Variants in PRR5L observed in about 807,000 individuals in gnomAD.
The protein encoded by PRR5L is proline-rich protein 5-like.
In PRR5L, 21 loss-of-function variants were observed where a neutral mutation model predicts 36.4. The observed-to-expected ratio is 0.58, with a 90% CI of 0.41 to 0.83. The LOEUF is 0.83. PRR5L is among the 40% of genes least tolerant of loss of function. The probability of loss-of-function intolerance (pLI) is 0.00; values close to 1 mark genes in which losing one functional copy is unlikely to be tolerated. For missense variants in PRR5L, 381 were observed against 473.3 expected (o/e 0.80, Z 1.81); for synonymous variants, 188 against 197.0 (o/e 0.95, Z 0.38).
chr11:36,423,168 AAG>A (rs1813548517), intron 4 of PRR5L, among the ~76,000 whole-genome samples: 1 of 152,194 alleles, frequency 6.6e-6, no homozygotes, highest in South Asian at 2.1e-4. Flanking sequence ...TAATACTAGG[AAG>A]AGAGGAAACT....
At chr11:36,412,920 T>G (rs574981302) in intron 3 of PRR5L, among the ~76,000 whole-genome samples, 2 of 152,204 alleles carry the variant, frequency 1.3e-5, no homozygotes, top group East Asian at 3.9e-4. Flanking sequence ...ATTCAAAGAA[T>G]TAATGAATGG....
At chr11:36,397,339 C>T (rs1857683928) in intron 1 of PRR5L, among the ~76,000 whole-genome samples, 1 of 150,960 alleles carries the variant, frequency 6.6e-6, no homozygotes, top group African/African-American at 2.4e-5. Flanking sequence ...GCTGGGACTA[C>T]AGGCATGAGC....
intron 8 of PRR5L, 89 bp downstream of exon 8, chr11:36,451,424 T>G: frequency 6.8e-7 from 1 of 1,475,742 alleles, no homozygotes; most frequent in Non-Finnish European, 9.3e-7. Context: ...TGAGCACTGA[T>G]ACCAGCACTG....
intron 1 of PRR5L, among the ~76,000 whole-genome samples, chr11:36,297,913 A>C (rs747391840): frequency 6.6e-6 from 1 of 152,198 alleles, no homozygotes; most frequent in African/African-American, 2.4e-5. Context: ...AAAAGAGAAG[A>C]GGCAGGAAAG....
chr11:36,297,029 A>G (rs1215276167), intron 1 of PRR5L, among the ~76,000 whole-genome samples: 1 of 152,228 alleles, frequency 6.6e-6, no homozygotes. Context: ...GCCCTGTGCC[A>G]GGCAGCATTC....
intron 1 of PRR5L, among the ~76,000 whole-genome samples, chr11:36,318,250 C>T (rs921691361): frequency 1.3e-5 from 2 of 152,198 alleles, no homozygotes; most frequent in African/African-American, 4.8e-5. Context: ...CACCTAACAA[C>T]ACATTTCTCA....
intron 8 of PRR5L, among the ~76,000 whole-genome samples, chr11:36,456,748 A>G (rs929777947): frequency 1.3e-5 from 2 of 152,254 alleles, no homozygotes; most frequent in Admixed American, 1.3e-4. Context: ...TACCTAGCAT[A>G]TCATGGATGC....
At chr11:36,356,289 G>A (rs1380297333) in intron 1 of PRR5L, among the ~76,000 whole-genome samples, 1 of 152,086 alleles carries the variant, frequency 6.6e-6, no homozygotes, top group East Asian at 1.9e-4. Flanking sequence ...CATGATCATT[G>A]ACATCAAGGA....
intron 4 of PRR5L, 107 bp from the exon 5 acceptor site, chr11:36,431,746 A>G (rs1191809754): frequency 5.0e-6 from 5 of 995,052 alleles, no homozygotes; most frequent in East Asian, 2.4e-5. Context: ...CGGCTAGAAC[A>G]CAAGTGCCTA....
intron 1 of PRR5L, among the ~76,000 whole-genome samples, chr11:36,388,691 T>C (rs528298323): frequency 1.5e-3 from 159 of 104,644 alleles, no homozygotes; most frequent in Middle Eastern, 9.2e-3. Flanking sequence ...AGGTCGGCTC[T>C]TTCTTTCTTT....
chr11:36,461,749 T>C (rs954671636), intron 8 of PRR5L, among the ~76,000 whole-genome samples: 6 of 152,172 alleles, frequency 3.9e-5, no homozygotes, highest in Non-Finnish European at 7.3e-5. Context: ...TCCAGGAGAA[T>C]TGACTTGAAC....
chr11:36,357,284 C>A (rs1389903430), intron 1 of PRR5L, among the ~76,000 whole-genome samples: 1 of 152,186 alleles, frequency 6.6e-6, no homozygotes, highest in Non-Finnish European at 1.5e-5. Context: ...AGGAAAGAAA[C>A]CTGTCTCCAT....
intron 1 of PRR5L, among the ~76,000 whole-genome samples, chr11:36,351,136 A>C (rs1397672628): frequency 1.8e-5 from 2 of 109,464 alleles, no homozygotes; most frequent in East Asian, 2.4e-4. Context: ...TTTTATATAT[A>C]AATATATATT....
intron 3 of PRR5L, among the ~76,000 whole-genome samples, chr11:36,418,565 G>A (rs547816520): frequency 1.3e-5 from 2 of 152,238 alleles, no homozygotes; most frequent in African/African-American, 4.8e-5. Context: ...GGGAGGCCGA[G>A]GCGGGCGGAT....
chr11:36,303,047 C>T (rs1007042870), intron 1 of PRR5L, among the ~76,000 whole-genome samples: 7 of 152,254 alleles, frequency 4.6e-5, no homozygotes, highest in African/African-American at 9.6e-5. Flanking sequence ...CCAGAGCCCA[C>T]GCTGCCCTAA....
At chr11:36,359,560 A>G (rs1857063587) in intron 1 of PRR5L, among the ~76,000 whole-genome samples, 1 of 152,232 alleles carries the variant, frequency 6.6e-6, no homozygotes, top group South Asian at 2.1e-4. Context: ...AATGATGCAA[A>G]GATGTCAGCA....
intron 1 of PRR5L, among the ~76,000 whole-genome samples, chr11:36,337,483 G>A (rs1451323701): frequency 6.6e-6 from 1 of 152,146 alleles, no homozygotes; most frequent in East Asian, 1.9e-4. Context: ...TCAGCCTAGG[G>A]CATTCTGTTA....
At chr11:36,321,523 G>A (rs575138949) in intron 1 of PRR5L, 29 of 152,222 alleles carry the variant, frequency 1.9e-4, no homozygotes, top group Non-Finnish European at 3.2e-4. Context: ...CAACTAACAT[G>A]TCTAAAAGGA....
chr11:36,309,720 A>T (rs111588780), intron 1 of PRR5L, among the ~76,000 whole-genome samples: 1,417 of 20,414 alleles, frequency 0.069, 21 homozygotes, highest in African/African-American at 0.19. Context: ...TTTCTTCCAG[A>T]TCCCTCTCAC....
Sources: allele counts gnomAD v4.1 joint callset (sites outside exome capture counted in the v4.1 genomes callset), GRCh38; gene constraint gnomAD v4.1.1; transcripts MANE v1.5; gene names NCBI Gene and HGNC (gene_info 2026-07-23, HGNC 2026-07-21).